KIF26B: variants seen among roughly 807,000 people sequenced by gnomAD.
The protein encoded by KIF26B is kinesin family member 26B.
KIF26B carries 63 observed loss-of-function variants against 151.2 expected under a neutral mutation model. That is an observed-to-expected ratio of 0.42 (90% CI 0.34 to 0.51). KIF26B has a LOEUF of 0.51. Ranked by LOEUF, KIF26B falls within the 20% of genes least tolerant of loss-of-function variation. The probability of loss-of-function intolerance (pLI) is 0.07; values close to 1 mark genes in which losing one functional copy is unlikely to be tolerated. For missense variants in KIF26B, 2,813 were observed against 2,913.6 expected, an observed-to-expected ratio of 0.97 and a Z score of 0.79; for synonymous variants, 1,357 against 1,262.1, an observed-to-expected ratio of 1.08 and a Z score of -1.59.
chr1:245,684,288 A>T lies in KIF26B; in HGVS notation c.2314A>T (p.Thr772Ser). 1 of 1,613,968 alleles carries T rather than the reference A, an allele frequency of 6.2e-7. No homozygotes were observed. The highest frequency in any genetic ancestry group is 1.1e-5 in the South Asian group (1 of 91,082). Residue 772 changes from threonine (T) to serine (S), a missense_variant, in exon 11 of 15, where the codon ACC becomes TCC. Transcript: ENST00000407071. Reference protein sequence around the residue: ...RESLGNMNCRTTMIAHISAAV... With the variant: ...RESLGNMNCRSTMIAHISAAV... ...GTCTCTGGGGAACATGAACTGCCGT[A>T]CCACCATGATCGCGCACATCTCGGC...
chr1:245,417,494 G>A (rs1185007606), intron 3 of KIF26B, among the ~76,000 whole-genome samples: 2 of 152,154 alleles, frequency 1.3e-5, no homozygotes, highest in Non-Finnish European at 2.9e-5. Context: ...GCTCTAGAAC[G>A]TTCTGTGATC....
intron 3 of KIF26B, among the ~76,000 whole-genome samples, chr1:245,411,446 G>A (rs1674280936): frequency 6.6e-6 from 1 of 152,310 alleles, no homozygotes; most frequent in East Asian, 1.9e-4. Flanking sequence ...CCCAGGTTAG[G>A]AGGCATCCCA....
chr1:245,587,392 G>A (rs771648222), intron 5 of KIF26B, among the ~76,000 whole-genome samples: 1 of 152,060 alleles, frequency 6.6e-6, no homozygotes, highest in Non-Finnish European at 1.5e-5. Context: ...CCAGAGCCTC[G>A]CACAGTACCT....
rs145395338 is a variant in KIF26B at position 245,410,089 on chromosome 1, G to A, written c.1000-9490G>A. Among the ~76,000 whole-genome samples the A allele has an allele frequency of 3.3e-5, 5 of 152,284 alleles. No individual in the cohort carries two copies. In the East Asian group the frequency reaches 9.7e-4, roughly 29 times the overall value. On this transcript the variant is annotated intron_variant, in intron 3 of 14. Coordinates refer to ENST00000407071, the MANE Select transcript of KIF26B (RefSeq NM_018012.4). ...TGCAAGTATAAAGAAATCAGATGAC[G>A]TTTAACCAAAGAGTTGGGTTTGTGT...
intron 8 of KIF26B, among the ~76,000 whole-genome samples, chr1:245,610,537 A>G (rs1157210924): frequency 6.6e-6 from 1 of 152,042 alleles, no homozygotes; most frequent in Non-Finnish European, 1.5e-5. Context: ...TGAGGCATCA[A>G]ATGTGCAGAG....
At position 245,170,015 on chromosome 1, in the gene KIF26B, T is replaced by C. The variant is rs1240372226; in HGVS notation, c.465+13332T>C. On this transcript the variant is annotated intron_variant, in intron 2 of 14. Transcript: ENST00000407071. The surrounding 1 kb of genome is among the most constrained non-coding windows in gnomAD (Gnocchi z 4.4). ...TTCACTTTGTTTTTTGTTTGGTGCC[T>C]GTGTACCAAGTAGATTTCTGGTGTT... is the stretch of plus-strand genomic sequence containing the variant. 1.3e-5 allele frequency among the ~76,000 whole-genome samples: 2 copies of C among 152,084 alleles called. No homozygotes were observed. The highest frequency in any genetic ancestry group is 2.9e-5 in the Non-Finnish European group (2 of 68,028).
At chr1:245,202,475 G>A (rs1385033603) in intron 2 of KIF26B, among the ~76,000 whole-genome samples, 1 of 152,144 alleles carries the variant, frequency 6.6e-6, no homozygotes, top group African/African-American at 2.4e-5. Context: ...ATGGGTTGAA[G>A]TGGCCGGGCG....
chr1:245,564,498 G>A lies in KIF26B; in HGVS notation c.1350+23548G>A, dbSNP rs1171514763. Among the ~76,000 whole-genome samples, 1 of 152,172 alleles carries A rather than the reference G, an allele frequency of 6.6e-6. No individual in the cohort carries two copies. Among genetic ancestry groups the A allele is most frequent in the Non-Finnish European group, 1.5e-5 (1 of 68,042 alleles). On this transcript the variant is annotated intron_variant, in intron 5 of 14. Coordinates refer to ENST00000407071, the MANE Select transcript of KIF26B (RefSeq NM_018012.4). The surrounding 1 kb of genome is among the most constrained non-coding windows in gnomAD (Gnocchi z 4.6). ...GAGGGACAGCATCGCCTCAGTGAAA[G>A]TTTTGGGTTAAACACTGTCTGCAGT...
intron 2 of KIF26B, among the ~76,000 whole-genome samples, chr1:245,359,175 C>T (rs1302284836): frequency 6.6e-6 from 1 of 152,050 alleles, no homozygotes; most frequent in Non-Finnish European, 1.5e-5. Context: ...CGCACCACCA[C>T]ACCTGGTTAA....
In KIF26B at chr1:245,572,629, G is replaced by A. The variant is rs1435526704; in HGVS notation, c.1351-29948G>A. ...AAATTAAAAATGAAATTTTAAAAATGAAATATTCAGTTGCCTTTCCTAGAA... is the reference window on the plus strand; with the variant it reads ...AAATTAAAAATGAAATTTTAAAAATAAAATATTCAGTTGCCTTTCCTAGAA... On this transcript the variant is annotated intron_variant, in intron 5 of 14. Transcript: ENST00000407071. The surrounding 1 kb of genome is among the most constrained non-coding windows in gnomAD (Gnocchi z 4.2). Among the ~76,000 whole-genome samples the A allele has an allele frequency of 6.6e-6, 1 of 152,166 alleles. No homozygotes were observed. The highest frequency in any genetic ancestry group is 1.5e-5 in the Non-Finnish European group (1 of 68,036).
intron 2 of KIF26B, among the ~76,000 whole-genome samples, chr1:245,217,907 T>C (rs1350943788): frequency 6.6e-6 from 1 of 152,168 alleles, no homozygotes; most frequent in Non-Finnish European, 1.5e-5. Context: ...TTAGGTTTTC[T>C]TGTCACCCGA....
intron 1 of KIF26B, among the ~76,000 whole-genome samples, chr1:245,155,902 A>AC (rs368852345): frequency 0.017 from 2,522 of 149,858 alleles, 67 homozygotes; most frequent in African/African-American, 0.056. Flanking sequence ...CCCTCCCCCT[A>AC]CCCCCCCCAT....
At position 245,579,520 on chromosome 1, in the gene KIF26B, G is replaced by C. The variant is rs578207972; in HGVS notation, c.1351-23057G>C. 2.6e-5 allele frequency among the ~76,000 whole-genome samples: 4 copies of C among 152,154 alleles called. No individual in the cohort carries two copies. In the East Asian group the frequency reaches 7.8e-4, roughly 30 times the overall value. ...CTCTAAAAAAAGAAAATTTAAAAAG[G>C]AGGCTTGGCTGGGTGCAGTGGCTCA... is the stretch of plus-strand genomic sequence containing the variant. On this transcript the variant is annotated intron_variant, in intron 5 of 14. Transcript: ENST00000407071.
At chr1:245,178,698 T>C (rs1209123296) in intron 2 of KIF26B, among the ~76,000 whole-genome samples, 2 of 152,236 alleles carry the variant, frequency 1.3e-5, no homozygotes, top group African/African-American at 4.8e-5. Context: ...CCTTTCTTGC[T>C]CCTTTTCTAG....
intron 2 of KIF26B, among the ~76,000 whole-genome samples, chr1:245,313,891 A>G (rs545151375): frequency 1.3e-5 from 2 of 151,722 alleles, no homozygotes; most frequent in Non-Finnish European, 2.9e-5. Flanking sequence ...GGGCCCCGAC[A>G]CCCTCCCCAG....
At chr1:245,593,233 A>G (rs911429153) in intron 5 of KIF26B, among the ~76,000 whole-genome samples, 6 of 152,246 alleles carry the variant, frequency 3.9e-5, no homozygotes, top group Non-Finnish European at 8.8e-5. Flanking sequence ...CAGGTTTGTT[A>G]CATAGGTATA....
intron 4 of KIF26B, among the ~76,000 whole-genome samples, chr1:245,470,833 C>A (rs1378786722): frequency 6.6e-6 from 1 of 152,154 alleles, no homozygotes; most frequent in Admixed American, 6.5e-5. Context: ...TTGAAATCAT[C>A]TCTATGTAGC....
chr1:245,408,683 TC>T (rs1674199275), intron 3 of KIF26B, among the ~76,000 whole-genome samples: 2 of 152,218 alleles, frequency 1.3e-5, no homozygotes, highest in African/African-American at 4.8e-5. Context: ...TAAAATACAA[TC>T]TTTTGCTGTT....
At chr1:245,637,178 GTTTT>G (rs960425037) in intron 9 of KIF26B, among the ~76,000 whole-genome samples, 1 of 151,876 alleles carries the variant, frequency 6.6e-6, no homozygotes, top group Non-Finnish European at 1.5e-5. Context: ...TCCAGCATTT[GTTTT>G]TTGTCTTTTT....
Sources: gnomAD v4.1 joint callset for allele counts (sites outside exome capture counted in the v4.1 genomes callset) on GRCh38, gnomAD v4.1.1 for gene constraint, Gnocchi (gnomAD v3.1) non-coding constraint, MANE v1.5 for transcripts, NCBI Gene and HGNC (gene_info 2026-07-23, HGNC 2026-07-21) for gene names.